The following RBFOX1 variants were observed in gnomAD, a reference collection of about 807,000 sequenced individuals.
RBFOX1 encodes RNA binding protein fox-1 homolog 1.
In RBFOX1, 8 loss-of-function variants were observed where a neutral mutation model predicts 57.7. The ratio of observed to expected loss-of-function variants is 0.14; its 90% CI spans 0.08 to 0.25. The LOEUF (loss-of-function observed/expected upper bound fraction) is 0.25, where lower values mean the gene tolerates loss of function less well. RBFOX1 is among the 10% of genes least tolerant of loss of function. RBFOX1 has a pLI of 1.00. For synonymous variants in RBFOX1, 326 were observed against 222.4 expected, an observed-to-expected ratio of 1.47 and a Z score of -4.15; for missense variants, 611 against 548.5, an observed-to-expected ratio of 1.11 and a Z score of -1.14.
At chr16:6,632,974 AAAAT>A (rs1292234248) in intron 2 of RBFOX1, among the ~76,000 whole-genome samples, 1 of 149,776 alleles carries the variant, frequency 6.7e-6, no homozygotes, top group African/African-American at 2.6e-5. Flanking sequence ...AGAGGTTACA[AAAAT>A]AAATAAATAA....
intron 4 of RBFOX1, among the ~76,000 whole-genome samples, chr16:5,884,768 T>C (rs2057855309): frequency 6.6e-6 from 1 of 152,048 alleles, no homozygotes; most frequent in South Asian, 2.1e-4. Flanking sequence ...GTTATCCTGA[T>C]GGTGGGTAGA....
At chr16:6,570,741 T>G (rs2097333768) in intron 2 of RBFOX1, among the ~76,000 whole-genome samples, 1 of 152,200 alleles carries the variant, frequency 6.6e-6, no homozygotes, top group Non-Finnish European at 1.5e-5. Flanking sequence ...ATGGCAGAAT[T>G]TATGTGCCAT....
intron 2 of RBFOX1, among the ~76,000 whole-genome samples, chr16:5,594,969 TA>T (rs34885484): frequency 0.049 from 4,474 of 90,398 alleles, 243 homozygotes; most frequent in African/African-American, 0.15. Flanking sequence ...CTGTCTCTAC[TA>T]AAAAAAAAAA....
chr16:5,691,735 A>G (rs1283223573), intron 3 of RBFOX1, among the ~76,000 whole-genome samples: 1 of 152,194 alleles, frequency 6.6e-6, no homozygotes, highest in Non-Finnish European at 1.5e-5. Flanking sequence ...TGTATATCTC[A>G]AGTAGCCTGT....
intron 10 of RBFOX1, among the ~76,000 whole-genome samples, chr16:7,610,118 C>CT (rs34468596): frequency 0.028 from 1,807 of 65,584 alleles, 181 homozygotes; most frequent in African/African-American, 0.044. Flanking sequence ...GCCCGGCCCC[C>CT]TTTTTTTTTT....
At chr16:7,136,038 G>A (rs1262739416) in intron 4 of RBFOX1, among the ~76,000 whole-genome samples, 4 of 152,234 alleles carry the variant, frequency 2.6e-5, no homozygotes, top group Non-Finnish European at 5.9e-5. Context: ...AAGGAGTAAT[G>A]TGGTATTGTT....
At chr16:5,662,532 C>G (rs1165462412) in intron 3 of RBFOX1, among the ~76,000 whole-genome samples, 1 of 152,146 alleles carries the variant, frequency 6.6e-6, no homozygotes, top group African/African-American at 2.4e-5. Context: ...CTTGGTAGAT[C>G]TCCCTGAAAG....
chr16:6,266,127 C>G (rs140427526), intron 1 of RBFOX1, among the ~76,000 whole-genome samples: 2 of 152,190 alleles, frequency 1.3e-5, no homozygotes, highest in Non-Finnish European at 2.9e-5. Flanking sequence ...GAGCCTCTAT[C>G]TGACTCAACT....
chr16:6,261,269 T>C (rs1239907396), intron 1 of RBFOX1, among the ~76,000 whole-genome samples: 1 of 152,210 alleles, frequency 6.6e-6, no homozygotes, highest in Non-Finnish European at 1.5e-5. Context: ...CATATCCTCA[T>C]TGTGTGTGTT....
intron 3 of RBFOX1, among the ~76,000 whole-genome samples, chr16:5,690,895 GT>G (rs1201383911): frequency 6.6e-6 from 1 of 152,070 alleles, no homozygotes; most frequent in Non-Finnish European, 1.5e-5. Context: ...ACCCTGATTT[GT>G]TTGGGGGAAC....
chr16:6,964,411 T>C (rs953087600), intron 3 of RBFOX1, among the ~76,000 whole-genome samples: 377 of 152,302 alleles, frequency 2.5e-3, no homozygotes, highest in Non-Finnish European at 6.9e-4. Flanking sequence ...CCACACAATA[T>C]ACAACATCAA....
chr16:6,943,363 G>C (rs1029888326), intron 3 of RBFOX1, among the ~76,000 whole-genome samples: 2 of 152,174 alleles, frequency 1.3e-5, no homozygotes, highest in Non-Finnish European at 1.5e-5. Context: ...TCTTGTGGAT[G>C]AGCTGTCAGC....
At chr16:7,059,718 T>C (rs989394273) in intron 4 of RBFOX1, among the ~76,000 whole-genome samples, 3 of 152,196 alleles carry the variant, frequency 2.0e-5, no homozygotes, top group Non-Finnish European at 4.4e-5. Flanking sequence ...CAGCATCCTA[T>C]GTAGTGACTG....
At chr16:7,027,240 C>G (rs1317013919) in intron 3 of RBFOX1, among the ~76,000 whole-genome samples, 2 of 152,078 alleles carry the variant, frequency 1.3e-5, no homozygotes, top group Non-Finnish European at 2.9e-5. Context: ...AATATTTGTT[C>G]AACTAATAAA....
intron 3 of RBFOX1, among the ~76,000 whole-genome samples, chr16:6,889,787 T>G (rs942609606): frequency 6.6e-6 from 1 of 152,152 alleles, no homozygotes; most frequent in Non-Finnish European, 1.5e-5. Context: ...AAAGGTTGGG[T>G]GAGATTTTAG....
At position 6,965,310 on chromosome 16, in the gene RBFOX1, TTTTGTTGTGTGTGTGTGTGTGTGTG is replaced by T. The variant is rs2083883167; in HGVS notation, c.-15-86745_-15-86721del. Among the ~76,000 whole-genome samples the T allele has an allele frequency of 2.0e-5, 3 of 148,722 alleles. No homozygotes were observed. The Admixed American group carries it at 2.1e-4, about 10-fold the overall frequency. ...ATAAACAAATCCAATTTCCTTTTTCTTTTGTTGTGTGTGTGTGTGTGTGTGTGTGTGTGTGTGTGTGTGTGTGTGT... is the reference window on the plus strand; with the variant it reads ...ATAAACAAATCCAATTTCCTTTTTCTTGTGTGTGTGTGTGTGTGTGTGTGT... On this transcript the variant is annotated intron_variant, in intron 3 of 15. Transcript: ENST00000550418.
rs150210760 is a variant in RBFOX1, at chr16:5,771,988, A to T, written c.319-95315A>T. On this transcript the variant is annotated intron_variant, in intron 3 of 19. Transcript: ENST00000641259. The stretch of plus-strand genomic sequence containing the variant: ...GGATTTTGAGACCAGCCTGACCAAC[A>T]TGGTGAAACCCTGTCTCTATTAAAA... 8.9e-3 allele frequency among the ~76,000 whole-genome samples: 1,348 copies of T among 152,258 alleles called. 8 individuals are homozygous for T. The highest frequency in any genetic ancestry group is 0.014 in the Non-Finnish European group (947 of 68,016).
chr16:6,619,400 G>T (rs551685668), intron 2 of RBFOX1, among the ~76,000 whole-genome samples: 9 of 152,168 alleles, frequency 5.9e-5, no homozygotes, highest in African/African-American at 1.2e-4. Context: ...AGGTGGGAGG[G>T]CTTGTTGATG....
intron 3 of RBFOX1, among the ~76,000 whole-genome samples, chr16:5,819,114 G>A (rs1002943824): frequency 2.6e-5 from 4 of 152,140 alleles, no homozygotes; most frequent in Admixed American, 2.6e-4. Context: ...ACCACAGACT[G>A]GGTGGCTTAT....
Sources: gnomAD v4.1 joint callset for allele counts (sites outside exome capture counted in the v4.1 genomes callset) on GRCh38, gnomAD v4.1.1 for gene constraint, MANE v1.5 for transcripts, NCBI Gene and HGNC (gene_info 2026-07-23, HGNC 2026-07-21) for gene names.